Variants in ELP3 observed in about 807,000 individuals in gnomAD.
ELP3 encodes elongator acetyltransferase complex subunit 3, also known as elongator complex protein 3.
ELP3 carries 56 observed loss-of-function variants against 74.9 expected under a neutral mutation model. That is an observed-to-expected ratio of 0.75 (90% CI 0.60 to 0.93). The LOEUF is 0.93. ELP3 is among the 40% of genes least tolerant of loss of function. ELP3 has a pLI of 0.00. For missense variants in ELP3, 573 were observed against 686.5 expected, an observed-to-expected ratio of 0.83 and a Z score of 1.85; for synonymous variants, 222 against 239.8, an observed-to-expected ratio of 0.93 and a Z score of 0.68.
At chr8:28,132,439 G>T in intron 9 of ELP3, 35 bp downstream of exon 9, 1 of 1,613,236 alleles carries the variant, frequency 6.2e-7, no homozygotes, top group South Asian at 1.1e-5. Flanking sequence ...ATTCAGAATG[G>T]CTCTGCATGT....
intron 9 of ELP3, among the ~76,000 whole-genome samples, chr8:28,133,375 T>C (rs1188501005): frequency 1.3e-5 from 2 of 151,920 alleles, no homozygotes; most frequent in Admixed American, 6.5e-5. Flanking sequence ...ATATTTTCCT[T>C]AACCTATTGT....
intron 14 of ELP3, among the ~76,000 whole-genome samples, chr8:28,186,025 T>C (rs866026712): frequency 1.6e-4 from 24 of 152,350 alleles, no homozygotes; most frequent in African/African-American, 5.3e-4. Context: ...CAGTGACTTA[T>C]ACCCAACATG....
In ELP3 at chr8:28,160,222, TA is replaced by T. The variant is rs775038037; in HGVS notation, c.1258-4del. The T allele has an allele frequency of 6.2e-7, 1 of 1,605,096 alleles. No individual in the cohort carries two copies. ...AATAATATTTTTTGTGGCTTTTTACTAAATAGGTTGAATTGGTAAGGAGAGA... is the reference window on the plus strand; with the variant it reads ...AATAATATTTTTTGTGGCTTTTTACTAATAGGTTGAATTGGTAAGGAGAGA... On this transcript the variant is annotated splice_region_variant and splice_polypyrimidine_tract_variant and intron_variant, in intron 12 of 14. Transcript: ENST00000256398.
At chr8:28,169,574 A>G (rs920770121) in intron 14 of ELP3, among the ~76,000 whole-genome samples, 1 of 152,176 alleles carries the variant, frequency 6.6e-6, no homozygotes, top group African/African-American at 2.4e-5. Context: ...TCTAAGAGGG[A>G]GGAGCAAAGG....
At chr8:28,097,422 G>T in intron 2 of ELP3, 104 bp downstream of exon 2, 1 of 703,984 alleles carries the variant, frequency 1.4e-6, no homozygotes, top group South Asian at 2.2e-5. Flanking sequence ...TATTTTAGTT[G>T]AGAATTTTAG....
chr8:28,159,613 G>A (rs950534731), intron 12 of ELP3, among the ~76,000 whole-genome samples: 1 of 152,200 alleles, frequency 6.6e-6, no homozygotes, highest in Admixed American at 6.5e-5. Context: ...AGAGCCAAAA[G>A]CCTGTGCAGA....
chr8:28,160,248 A>G lies in ELP3; in HGVS notation c.1277A>G (p.Asp426Gly), dbSNP rs746609852. The G allele has an allele frequency of 3.1e-6, 5 of 1,613,974 alleles. No individual in the cohort carries two copies. The highest frequency in any genetic ancestry group is 1.3e-5 in the African/African-American group (1 of 74,916). The change falls in exon 13 of 15, where the codon GAT becomes GGT. Residue 426 changes from aspartate to glycine, a missense_variant. Physicochemically the swap from Asp to Gly is moderately conservative, Grantham distance 94 (BLOSUM62 -1). Coordinates refer to ENST00000256398, the MANE Select transcript of ELP3 (RefSeq NM_018091.6). Reference sequence around the variant, plus strand: ...AAATAGGTTGAATTGGTAAGGAGAGATTATGTTGCAAATGGTGGCTGGGAA... The same window carrying G: ...AAATAGGTTGAATTGGTAAGGAGAGGTTATGTTGCAAATGGTGGCTGGGAA... The part of the protein sequence containing the change: ...RPYQVELVRR[D>G]YVANGGWETF...
chr8:28,097,326 G>A lies in ELP3; in HGVS notation c.119+8G>A, dbSNP rs770737109. 1 of 1,589,960 alleles carries A rather than the reference G, an allele frequency of 6.3e-7. No individual in the cohort carries two copies. Among genetic ancestry groups the A allele is most frequent in the Non-Finnish European group, 8.6e-7 (1 of 1,159,580 alleles). On this transcript the variant is annotated splice_region_variant and intron_variant, in intron 2 of 14. Coordinates refer to ENST00000256398, the MANE Select transcript of ELP3 (RefSeq NM_018091.6). Reference sequence around the variant, plus strand: ...AGACATCGATCTAAATAAGTAAGTGGATATAAAGAGAGAGCAAGCTTGTTC... The same window carrying A: ...AGACATCGATCTAAATAAGTAAGTGAATATAAAGAGAGAGCAAGCTTGTTC...
rs80066224 is a variant in ELP3 at position 28,132,223 on chromosome 8, C to T, written c.780-55C>T. The T allele has an allele frequency of 1.6e-3, 2,532 of 1,593,220 alleles. 34 individuals carry two copies. In the African/African-American group the frequency reaches 0.029, roughly 18 times the overall value. On this transcript the variant is annotated intron_variant, in intron 8 of 14. Transcript: ENST00000256398. ...CTTTGTCACCCATTTATTTGTGTAA[C>T]AGATGTTACACAAATAGGTAGTGAT...
intron 1 of ELP3, among the ~76,000 whole-genome samples, chr8:28,094,249 A>C (rs58583217): frequency 0.12 from 18,414 of 152,170 alleles, 1,238 homozygotes; most frequent in East Asian, 0.31. Context: ...TTACTTCTTG[A>C]TATAGTTTAT....
At chr8:28,158,478 TAAATAA>T (rs1012349384) in intron 11 of ELP3, 84 bp from the exon 12 acceptor site, 5 of 914,862 alleles carry the variant, frequency 5.5e-6, no homozygotes, top group Admixed American at 1.9e-5. Context: ...TGGAGAGGTT[TAAATAA>T]AAATAAAGAT....
rs724429 is a variant in ELP3 at position 28,165,634 on chromosome 8, G to A, written c.1567+3556G>A. On this transcript the variant is annotated intron_variant, in intron 14 of 14. Coordinates refer to ENST00000256398, the MANE Select transcript of ELP3 (RefSeq NM_018091.6). ...TTGGTTACTGTTGTGTAAGAGTAAT[G>A]CATTTAGGTAGAATTTTTTAATTGC... Among the ~76,000 whole-genome samples the A allele has an allele frequency of 4.1e-3, 623 of 152,262 alleles. 2 individuals carry two copies. Among genetic ancestry groups the A allele is most frequent in the Non-Finnish European group, 7.3e-3 (499 of 68,010 alleles).
intron 11 of ELP3, among the ~76,000 whole-genome samples, chr8:28,157,500 G>A (rs1241281752): frequency 1.3e-5 from 2 of 152,118 alleles, no homozygotes; most frequent in Admixed American, 6.5e-5. Context: ...GCAAAGCATT[G>A]TCTTGAGCTA....
In ELP3 at chr8:28,119,606, A is replaced by G. The variant is rs1406199967; in HGVS notation, c.617+6433A>G. On this transcript the variant is annotated intron_variant, in intron 7 of 14. Coordinates refer to ENST00000256398, the MANE Select transcript of ELP3 (RefSeq NM_018091.6). The stretch of plus-strand genomic sequence containing the variant: ...TATATATATATATATATATATATAT[A>G]TATATATATATATATATATATATGA... Among the ~76,000 whole-genome samples the G allele has an allele frequency of 5.8e-4, 71 of 122,166 alleles. 3 individuals are homozygous for G. Among genetic ancestry groups the G allele is most frequent in the African/African-American group, 2.3e-3 (68 of 29,388 alleles). 80.1% of individuals were successfully genotyped at this position (122,166 alleles called of 152,430 possible).
At chr8:28,185,373 T>TC (rs1585766095) in intron 14 of ELP3, among the ~76,000 whole-genome samples, 1 of 152,164 alleles carries the variant, frequency 6.6e-6, no homozygotes, top group African/African-American at 2.4e-5. Context: ...CAGGAACACA[T>TC]TTCTTTGTAT....
At chr8:28,136,371 G>A (rs370200778) in intron 9 of ELP3, among the ~76,000 whole-genome samples, 180 of 152,320 alleles carry the variant, frequency 1.2e-3, no homozygotes, top group African/African-American at 4.2e-3. Flanking sequence ...CCAAAGGAAT[G>A]TATCAGCCTG....
At chr8:28,184,961 T>TC (rs11427952) in intron 14 of ELP3, among the ~76,000 whole-genome samples, 126,380 of 149,348 alleles carry the variant, frequency 0.85, 55,246 homozygotes, top group Non-Finnish European at 0.97. Context: ...AGAGCAAAAC[T>TC]CCATCTCAAA....
At chr8:28,096,371 T>C (rs1811253513) in intron 1 of ELP3, among the ~76,000 whole-genome samples, 1 of 152,220 alleles carries the variant, frequency 6.6e-6, no homozygotes, top group South Asian at 2.1e-4. Context: ...GGAAAAATCA[T>C]CTTCCATAAA....
At chr8:28,186,301 G>A (rs1170238370) in intron 14 of ELP3, among the ~76,000 whole-genome samples, 1 of 152,162 alleles carries the variant, frequency 6.6e-6, no homozygotes, top group Admixed American at 6.5e-5. Context: ...GCAACACCGA[G>A]CTGTATACTT....
Sources: gnomAD v4.1 joint callset for allele counts (sites outside exome capture counted in the v4.1 genomes callset) on GRCh38, gnomAD v4.1.1 for gene constraint, MANE v1.5 for transcripts, NCBI Gene and HGNC (gene_info 2026-07-23, HGNC 2026-07-21) for gene names.